The following LMO2 variants were observed in gnomAD, a reference collection of about 807,000 sequenced individuals.
The protein encoded by LMO2 is rhombotin-2.
Under a neutral mutation model 23.2 loss-of-function variants are expected in LMO2, and 20 were observed. That is an observed-to-expected ratio of 0.86 (90% CI 0.61 to 1.25). The LOEUF is 1.25. Among genes scored for constraint, LMO2 ranks in the 50% most tolerant of loss-of-function variants. The pLI is 0.00. For missense variants in LMO2, 270 were observed against 315.3 expected (o/e 0.86, Z 1.09); for synonymous variants, 123 against 130.2 (o/e 0.94, Z 0.38).
chr11:33,885,845 T>C (rs1857393672), intron 1 of LMO2, among the ~76,000 whole-genome samples: 1 of 151,000 alleles, frequency 6.6e-6, no homozygotes, highest in South Asian at 2.1e-4. Flanking sequence ...GGTCATCACC[T>C]GCAATGTGGC....
At chr11:33,878,710 G>C (rs898730028) in intron 2 of LMO2, among the ~76,000 whole-genome samples, 4 of 152,198 alleles carry the variant, frequency 2.6e-5, no homozygotes, top group Non-Finnish European at 4.4e-5. Context: ...TCTGTCCCCT[G>C]AAGCTCATGG....
intron 4 of LMO2, among the ~76,000 whole-genome samples, chr11:33,867,422 CTTAA>C (rs906365366): frequency 1.3e-5 from 2 of 152,184 alleles, no homozygotes; most frequent in Admixed American, 1.3e-4. Context: ...TCTTTCTATA[CTTAA>C]TTAATGATAA....
rs1034401296 is a variant in LMO2 at position 33,864,421 on chromosome 11, A to G, written c.464+181T>C. On this transcript the variant is annotated intron_variant, in intron 5 of 5. Coordinates refer to ENST00000257818, the MANE Select transcript of LMO2 (RefSeq NM_005574.4). This position sits in a 1 kb window ranked among gnomAD's most constrained non-coding sequence, Gnocchi z 4.8. ...AACCCTGAGAACATGCTTCTCAAAC[A>G]GGAAGAAATGCCCTCTGCTTCTCAG... Among the ~76,000 whole-genome samples the G allele has an allele frequency of 6.6e-6, 1 of 152,340 alleles. No individual in the cohort carries two copies. Among genetic ancestry groups the G allele is most frequent in the Non-Finnish European group, 1.5e-5 (1 of 68,018 alleles).
intron 4 of LMO2, among the ~76,000 whole-genome samples, chr11:33,868,790 C>G (rs1259167273): frequency 6.6e-6 from 1 of 152,212 alleles, no homozygotes; most frequent in African/African-American, 2.4e-5. Flanking sequence ...TCTAGAAATC[C>G]CTGGAGGCCC....
chr11:33,872,946 A>T (rs1422023488), intron 2 of LMO2, among the ~76,000 whole-genome samples: 1 of 151,990 alleles, frequency 6.6e-6, no homozygotes. Context: ...TATTTTTAGT[A>T]GAGACGGGGT....
chr11:33,887,821 G>A (rs1857450161), intron 1 of LMO2, among the ~76,000 whole-genome samples: 1 of 152,082 alleles, frequency 6.6e-6, no homozygotes, highest in Non-Finnish European at 1.5e-5. Flanking sequence ...CCATCTGCCC[G>A]CCTTGGCCTC....
chr11:33,859,085 T>A lies in LMO2; in HGVS notation c.*271A>T. 2.2e-6 allele frequency: 1 copy of A among 446,832 alleles called. No individual in the cohort carries two copies. The highest frequency in any genetic ancestry group is 4.1e-6 in the Non-Finnish European group (1 of 244,078). The allele number at this position is 446,832 out of a possible 1,614,324, so 27.7% of individuals were successfully genotyped here. On this transcript the variant is annotated 3_prime_UTR_variant, in exon 6 of 6. Transcript: ENST00000257818. ...ACAGCGCCTGCTTGCCCCTAAATGT[T>A]CCTTTCTTCTGCTAATCATGTCAGT...
At chr11:33,865,792 C>T (rs1294414457) in intron 4 of LMO2, among the ~76,000 whole-genome samples, 5 of 152,188 alleles carry the variant, frequency 3.3e-5, no homozygotes, top group African/African-American at 9.7e-5. Flanking sequence ...AATCTGAATA[C>T]ATTTTTACAT....
chr11:33,858,720 C>T lies in LMO2; in HGVS notation c.*636G>A. 4.9e-6 allele frequency: 1 copy of T among 204,272 alleles called. No homozygotes were observed. Among genetic ancestry groups the T allele is most frequent in the Non-Finnish European group, 1.0e-5 (1 of 99,886 alleles). 12.7% of individuals were successfully genotyped at this position (204,272 alleles called of 1,614,324 possible). ...ATAGAAACAATCTGTGGAACTCCTC[C>T]CCTCAAAATGAAGGTGTCTAAAAAC... On this transcript the variant is annotated 3_prime_UTR_variant, in exon 6 of 6. Coordinates refer to ENST00000257818, the MANE Select transcript of LMO2 (RefSeq NM_005574.4).
In LMO2 at chr11:33,869,403, G is replaced by A; in HGVS notation, c.191C>T (p.Thr64Ile). 1 of 1,208,808 alleles carries A rather than the reference G, an allele frequency of 8.3e-7. No individual in the cohort carries two copies. Among genetic ancestry groups the A allele is most frequent in the Non-Finnish European group, 1.0e-6 (1 of 967,264 alleles). 74.9% of individuals were successfully genotyped at this position (1,208,808 alleles called of 1,614,324 possible). Reference sequence around the variant, plus strand: ...CGAGGACATTGGGGAGGGAGGCGGGGTGCCGGGCGGCGGGGGCGCTCCCTT... The same window carrying A: ...CGAGGACATTGGGGAGGGAGGCGGGATGCCGGGCGGCGGGGGCGCTCCCTT... ...ATKGAPPPPG[T>I]PPPSPMSSAI... The change falls in exon 4 of 6, where the codon ACC becomes ATC. Residue 64 changes from threonine to isoleucine, a missense_variant. This residue lies in a region of LMO2 where 170 missense variants were observed against 162.0 expected (regional missense o/e 1.05). Transcript: ENST00000257818.
Position 33,889,254 on chromosome 11 carries a change from C to T in LMO2, c.-336+2541G>A, listed in dbSNP as rs560931476. On this transcript the variant is annotated intron_variant, in intron 1 of 5. Coordinates refer to ENST00000257818, the MANE Select transcript of LMO2 (RefSeq NM_005574.4). The stretch of plus-strand genomic sequence containing the variant: ...AAGAATTTAAAAATAAACAAGACAC[C>T]GTCCCTACCCTTGAGGAGCTCACCA... Among the ~76,000 whole-genome samples, 6 of 152,220 alleles carry T rather than the reference C, an allele frequency of 3.9e-5. No individual in the cohort carries two copies. In the East Asian group the frequency reaches 9.6e-4, roughly 24 times the overall value.
intron 2 of LMO2, among the ~76,000 whole-genome samples, chr11:33,875,495 T>C (rs537738508): frequency 7.2e-4 from 108 of 150,098 alleles, no homozygotes; most frequent in Non-Finnish European, 1.2e-3. Flanking sequence ...GGAGAATTGC[T>C]TGAACCTGGG....
chr11:33,890,902 A>G (rs1364790791), intron 1 of LMO2, among the ~76,000 whole-genome samples: 2 of 152,202 alleles, frequency 1.3e-5, no homozygotes, highest in Non-Finnish European at 2.9e-5. Context: ...ACAAGAGCTT[A>G]ATTAATTTTA....
intron 2 of LMO2, chr11:33,881,514 A>G (rs1285044010): frequency 2.5e-6 from 1 of 406,274 alleles, no homozygotes; most frequent in Non-Finnish European, 5.0e-6. Context: ...GTAGCAAGTC[A>G]TCTAGGCTCT....
intron 5 of LMO2, among the ~76,000 whole-genome samples, chr11:33,863,256 A>G (rs1015477144): frequency 6.6e-6 from 1 of 152,152 alleles, no homozygotes; most frequent in African/African-American, 2.4e-5. Context: ...GACCAAAATT[A>G]TAAGCATGAT....
chr11:33,879,916 GCATTATTGAA>G (rs924564766), intron 2 of LMO2, among the ~76,000 whole-genome samples: 1 of 152,026 alleles, frequency 6.6e-6, no homozygotes, highest in Non-Finnish European at 1.5e-5. Context: ...AATGGTGCAG[GCATTATTGAA>G]AACGGTATGC....
At chr11:33,872,772 G>T (rs574192255) in intron 2 of LMO2, among the ~76,000 whole-genome samples, 1 of 151,988 alleles carries the variant, frequency 6.6e-6, no homozygotes, top group African/African-American at 2.4e-5. Context: ...TTGTTTGTTT[G>T]TTTTTTGAGA....
intron 2 of LMO2, chr11:33,881,498 G>A (rs562648915): frequency 1.8e-4 from 77 of 425,134 alleles, no homozygotes; most frequent in African/African-American, 1.4e-3. Flanking sequence ...GGGCTGGCAC[G>A]GAATGGTAGC....
intron 4 of LMO2, among the ~76,000 whole-genome samples, chr11:33,865,996 T>A (rs4007): frequency 0.22 from 33,948 of 152,142 alleles, 4,214 homozygotes; most frequent in African/African-American, 0.31. Context: ...CCTTCTTCCA[T>A]CTGTAAAATT....
Sources: allele counts gnomAD v4.1 joint callset (sites outside exome capture counted in the v4.1 genomes callset), GRCh38; gene constraint gnomAD v4.1.1; regional missense constraint gnomAD v4.1.1; non-coding constraint Gnocchi (gnomAD v3.1); transcripts MANE v1.5; gene names NCBI Gene and HGNC (gene_info 2026-07-23, HGNC 2026-07-21).